Variants in MYO3B observed in about 807,000 individuals in gnomAD.
MYO3B encodes the protein myosin-IIIb.
Under a neutral mutation model 174.6 loss-of-function variants are expected in MYO3B, and 156 were observed. That is an observed-to-expected ratio of 0.89 (90% CI 0.78 to 1.02). The LOEUF is 1.02. Among genes scored for constraint, MYO3B ranks in the 50% least tolerant of loss-of-function variants. The pLI is 0.00. For missense variants in MYO3B, 1,632 were observed against 1,639.4 expected (o/e 1.00, Z 0.08); for synonymous variants, 563 against 569.1 (o/e 0.99, Z 0.15).
chr2:170,282,899 C>T (rs2093523801), intron 7 of MYO3B, among the ~76,000 whole-genome samples: 1 of 152,120 alleles, frequency 6.6e-6, no homozygotes, highest in African/African-American at 2.4e-5. Context: ...CATACTTTGG[C>T]TCCCCTTTCC....
At chr2:170,408,222 G>A (rs973597025) in intron 22 of MYO3B, among the ~76,000 whole-genome samples, 1 of 152,136 alleles carries the variant, frequency 6.6e-6, no homozygotes, top group African/African-American at 2.4e-5. Context: ...TTCTACTTGT[G>A]TGTCATTCCA....
chr2:170,646,363 A>G (rs547276358), intron 32 of MYO3B, among the ~76,000 whole-genome samples: 1 of 151,718 alleles, frequency 6.6e-6, no homozygotes, highest in Non-Finnish European at 1.5e-5. Flanking sequence ...ATTCCTTGGA[A>G]CAAGTTGCTT....
chr2:170,292,426 G>A (rs1346934144), intron 7 of MYO3B, among the ~76,000 whole-genome samples: 1 of 152,112 alleles, frequency 6.6e-6, no homozygotes, highest in African/African-American at 2.4e-5. Flanking sequence ...TCAGTCACTG[G>A]ATTTTTGCTT....
intron 17 of MYO3B, 126 bp downstream of exon 17, chr2:170,400,440 C>G: frequency 1.6e-5 from 19 of 1,182,754 alleles, no homozygotes; most frequent in Non-Finnish European, 2.1e-5. Context: ...GAGTCTCACT[C>G]TGTCATCCAG....
At chr2:170,459,324 AC>A (rs1684109841) in intron 23 of MYO3B, among the ~76,000 whole-genome samples, 1 of 152,142 alleles carries the variant, frequency 6.6e-6, no homozygotes, top group Admixed American at 6.5e-5. Context: ...GTCTGTTTTG[AC>A]AGGGTGCTGA....
chr2:170,469,603 C>G (rs1684846699), intron 25 of MYO3B, among the ~76,000 whole-genome samples: 1 of 152,132 alleles, frequency 6.6e-6, no homozygotes, highest in African/African-American at 2.4e-5. Context: ...TCTCTCTCTT[C>G]CAGAAACTAG....
intron 32 of MYO3B, among the ~76,000 whole-genome samples, chr2:170,596,461 CA>C (rs973458576): frequency 1.3e-5 from 2 of 152,222 alleles, no homozygotes; most frequent in African/African-American, 4.8e-5. Flanking sequence ...ATCTGGGCCT[CA>C]GAGTACAACG....
chr2:170,476,069 C>T (rs563718613), intron 25 of MYO3B, among the ~76,000 whole-genome samples: 5 of 115,550 alleles, frequency 4.3e-5, no homozygotes, highest in Admixed American at 3.3e-4. Context: ...GGGAGTGTTC[C>T]CTGTCCCCCC....
chr2:170,267,105 A>G (rs575626631), intron 7 of MYO3B, among the ~76,000 whole-genome samples: 20 of 50,438 alleles, frequency 4.0e-4, no homozygotes, highest in Non-Finnish European at 1.4e-3. Flanking sequence ...TCAACAGATG[A>G]AAGTTTATTT....
chr2:170,296,691 T>A (rs1359394184), intron 7 of MYO3B, among the ~76,000 whole-genome samples: 1 of 152,124 alleles, frequency 6.6e-6, no homozygotes, highest in Non-Finnish European at 1.5e-5. Flanking sequence ...TGTAAAAAAA[T>A]ACCTGAATCT....
intron 32 of MYO3B, among the ~76,000 whole-genome samples, chr2:170,561,154 A>C (rs1691685711): frequency 6.6e-6 from 1 of 152,138 alleles, no homozygotes; most frequent in African/African-American, 2.4e-5. Context: ...GTCATGTAGC[A>C]GTTTCTATTT....
Position 170,559,796 on chromosome 2 carries a change from C to T in MYO3B, c.3733+15808C>T, listed in dbSNP as rs141633554. On this transcript the variant is annotated intron_variant, in intron 32 of 34. Coordinates refer to ENST00000408978, the MANE Select transcript of MYO3B (RefSeq NM_138995.5). ...GAGCACTGCCCACCACCATCACCCC[C>T]ACACTCACTCCTCCGGTCCCACATT... Among the ~76,000 whole-genome samples the T allele has an allele frequency of 1.4e-4, 21 of 152,210 alleles. 1 individual carries two copies. The East Asian group carries it at 3.3e-3, about 24-fold the overall frequency.
intron 7 of MYO3B, among the ~76,000 whole-genome samples, chr2:170,326,576 G>C (rs1281359184): frequency 5.9e-5 from 9 of 152,124 alleles, no homozygotes; most frequent in Admixed American, 5.9e-4. Context: ...ACACCCACTT[G>C]TCCCCTCCAT....
At chr2:170,317,629 G>A (rs1239983680) in intron 7 of MYO3B, among the ~76,000 whole-genome samples, 2 of 152,220 alleles carry the variant, frequency 1.3e-5, no homozygotes, top group African/African-American at 4.8e-5. Context: ...GGAAATGTTT[G>A]GTGAAAGACC....
chr2:170,222,761 C>CT (rs968642602), intron 6 of MYO3B, among the ~76,000 whole-genome samples: 17 of 151,940 alleles, frequency 1.1e-4, no homozygotes, highest in Non-Finnish European at 2.4e-4. Flanking sequence ...TTAAATGTAT[C>CT]TTTTTTTTGG....
At chr2:170,445,195 T>C (rs2094831479) in intron 23 of MYO3B, among the ~76,000 whole-genome samples, 2 of 152,208 alleles carry the variant, frequency 1.3e-5, no homozygotes, top group African/African-American at 4.8e-5. Context: ...TATAAAACAG[T>C]ATGTCAATTG....
At chr2:170,516,681 C>T (rs1337879156) in intron 29 of MYO3B, among the ~76,000 whole-genome samples, 1 of 151,288 alleles carries the variant, frequency 6.6e-6, no homozygotes. Context: ...TTATAGAGCT[C>T]AACCAGATTT....
chr2:170,202,537 G>A (rs1224035141), intron 3 of MYO3B, among the ~76,000 whole-genome samples: 1 of 152,186 alleles, frequency 6.6e-6, no homozygotes, highest in Admixed American at 6.5e-5. Flanking sequence ...CATGCCTATG[G>A]TCACATAATT....
chr2:170,196,294 C>T (rs2092599387), intron 1 of MYO3B, among the ~76,000 whole-genome samples: 1 of 152,124 alleles, frequency 6.6e-6, no homozygotes, highest in Non-Finnish European at 1.5e-5. Context: ...ATCACTGTAG[C>T]CCAGGAGTTT....
Sources: gnomAD v4.1 joint callset for allele counts (sites outside exome capture counted in the v4.1 genomes callset) on GRCh38, gnomAD v4.1.1 for gene constraint, MANE v1.5 for transcripts, NCBI Gene and HGNC (gene_info 2026-07-23, HGNC 2026-07-21) for gene names.